NEO1: variants seen among roughly 807,000 people sequenced by gnomAD.
NEO1 encodes the protein neogenin.
In NEO1, 63 loss-of-function variants were observed where a neutral mutation model predicts 159.7. The ratio of observed to expected loss-of-function variants is 0.39; its 90% confidence interval spans 0.32 to 0.49. NEO1 has a LOEUF of 0.49. Among genes scored for constraint, NEO1 ranks in the 20% least tolerant of loss-of-function variants. NEO1 has a pLI of 0.85. For missense variants in NEO1, 1,615 were observed against 1,831.0 expected (o/e 0.88, Z 2.15); for synonymous variants, 633 against 662.0 (o/e 0.96, Z 0.67).
At chr15:73,179,456 G>T (rs748225857) in intron 7 of NEO1, among the ~76,000 whole-genome samples, 6 of 152,162 alleles carry the variant, frequency 3.9e-5, no homozygotes, top group Admixed American at 3.9e-4. Context: ...TTACAGAGAG[G>T]TATCTCACTG....
intron 5 of NEO1, among the ~76,000 whole-genome samples, chr15:73,168,134 A>G (rs1315642917): frequency 6.6e-6 from 1 of 152,112 alleles, no homozygotes; most frequent in African/African-American, 2.4e-5. Flanking sequence ...AAGGGCTAGA[A>G]ACAGGAAAGA....
intron 22 of NEO1, among the ~76,000 whole-genome samples, chr15:73,281,561 A>AT (rs898734328): frequency 7.3e-5 from 11 of 151,680 alleles, no homozygotes; most frequent in Non-Finnish European, 1.3e-4. Context: ...AAGCCAAGAG[A>AT]TTTTTTTTTA....
At chr15:73,241,609 C>T (rs1198970088) in intron 8 of NEO1, among the ~76,000 whole-genome samples, 4 of 152,208 alleles carry the variant, frequency 2.6e-5, no homozygotes, top group African/African-American at 9.6e-5. Flanking sequence ...CATCTCCTAA[C>T]TTCCAGCCCA....
At chr15:73,273,772 A>T (rs2151050260) in intron 19 of NEO1, 39 bp from the exon 20 acceptor site, 1 of 1,523,962 alleles carries the variant, frequency 6.6e-7, no homozygotes, top group East Asian at 2.3e-5. Context: ...AAGGAAAAGC[A>T]GGAGTGAGAT....
intron 7 of NEO1, chr15:73,221,803 A>G: frequency 6.5e-6 from 1 of 154,844 alleles, no homozygotes; most frequent in Non-Finnish European, 1.4e-5. Flanking sequence ...TTCAGGTGGG[A>G]GTGACCCAAT....
rs530512206 is a variant in NEO1, at chr15:73,194,148, T to C, written c.1291+15721T>C. On this transcript the variant is annotated intron_variant, in intron 7 of 28. Coordinates refer to ENST00000261908, the MANE Select transcript of NEO1 (RefSeq NM_002499.4). ...AGCAGTTTTCAGTTATGTAGCACTT[T>C]AAGAGGATTAATTTATTAGAGATGT... Among the ~76,000 whole-genome samples the C allele has an allele frequency of 7.6e-4, 115 of 152,264 alleles. 1 individual carries two copies. The highest frequency in any genetic ancestry group is 2.7e-3 in the African/African-American group (111 of 41,562).
intron 1 of NEO1, among the ~76,000 whole-genome samples, chr15:73,072,981 G>A (rs544228012): frequency 2.6e-4 from 40 of 152,282 alleles, no homozygotes; most frequent in South Asian, 1.0e-3. Context: ...AAAGAACTAA[G>A]TTTGGGGGAC....
rs754900769 is a variant in NEO1 at position 73,244,492 on chromosome 15, C to T, written c.1600C>T (p.Pro534Ser). 1.9e-6 allele frequency: 3 copies of T among 1,613,368 alleles called. No homozygotes were observed. The highest frequency in any genetic ancestry group is 1.1e-5 in the South Asian group (1 of 91,000). Residue 534 changes from proline to serine, a missense_variant, in exon 9 of 29, where the codon CCT becomes TCT. Pro to Ser is a moderately conservative substitution (Grantham distance 74, BLOSUM62 -1). This residue lies in a region of NEO1 where 1,018 missense variants were observed against 1,115.4 expected (regional missense o/e 0.91). Coordinates refer to ENST00000261908, the MANE Select transcript of NEO1 (RefSeq NM_002499.4). ...AGCTCCACTGCGAGTAGAAACACAA[C>T]CTGAGGGTAAGTCTTCCACCTGTCT... is the stretch of plus-strand genomic sequence containing the variant. ...SSAPLRVETQ[P>S]EVQLPGPAPN...
intron 8 of NEO1, among the ~76,000 whole-genome samples, chr15:73,243,968 A>G (rs1347599542): frequency 7.2e-5 from 11 of 152,310 alleles, no homozygotes; most frequent in Middle Eastern, 3.4e-3. Flanking sequence ...AAATATCATT[A>G]GGTCATACCA....
At position 73,277,590 on chromosome 15, in the gene NEO1, T is replaced by C. The variant is rs1235864914; in HGVS notation, c.3194-541T>C. ...ACTGAGAACCTGATTTGAACTTCCA[T>C]TTACCTTCCTGCTCCTGCTTAGCTT... On this transcript the variant is annotated intron_variant, in intron 21 of 28. Coordinates refer to ENST00000261908, the MANE Select transcript of NEO1 (RefSeq NM_002499.4). 2.0e-5 allele frequency among the ~76,000 whole-genome samples: 3 copies of C among 152,170 alleles called. No homozygotes were observed. In the South Asian group the frequency reaches 6.2e-4, roughly 32 times the overall value.
intron 21 of NEO1, among the ~76,000 whole-genome samples, chr15:73,276,882 C>T (rs1033060785): frequency 6.6e-6 from 1 of 152,172 alleles, no homozygotes; most frequent in African/African-American, 2.4e-5. Flanking sequence ...GCTTCATGCT[C>T]TCTGCCTCTT....
intron 11 of NEO1, 28 bp from the exon 12 acceptor site, chr15:73,253,372 A>ATT (rs770952101): frequency 5.8e-6 from 8 of 1,386,882 alleles, no homozygotes; most frequent in Non-Finnish European, 6.0e-6. Context: ...TTAAAAAAAA[A>ATT]ATTTTTTTTT....
At chr15:73,171,644 ATTATT>A (rs1481116016) in intron 5 of NEO1, among the ~76,000 whole-genome samples, 3 of 147,930 alleles carry the variant, frequency 2.0e-5, no homozygotes, top group African/African-American at 7.4e-5. Flanking sequence ...TATTATTATT[ATTATT>A]ATTATTACTT....
At chr15:73,095,617 T>C (rs1443164629) in intron 1 of NEO1, among the ~76,000 whole-genome samples, 1 of 152,174 alleles carries the variant, frequency 6.6e-6, no homozygotes, top group Non-Finnish European at 1.5e-5. Context: ...TTGAAAAGTT[T>C]TCAAGATGAT....
At chr15:73,171,637 T>TATTATG (rs1315624454) in intron 5 of NEO1, among the ~76,000 whole-genome samples, 2 of 147,400 alleles carry the variant, frequency 1.4e-5, no homozygotes, top group Non-Finnish European at 3.0e-5. Context: ...TTATTATTAT[T>TATTATG]ATTATTATTA....
In NEO1 at chr15:73,166,145, A is replaced by G. The variant is rs186916124; in HGVS notation, c.1016-10258A>G. Among the ~76,000 whole-genome samples the G allele has an allele frequency of 2.1e-3, 321 of 152,252 alleles. 1 individual carries two copies. Among genetic ancestry groups the G allele is most frequent in the African/African-American group, 7.4e-3 (306 of 41,546 alleles). On this transcript the variant is annotated intron_variant, in intron 5 of 28. Transcript: ENST00000261908. ...CCGGTTTCTTCCTTTCTCCTCTCTCAGTACTGTGATACCACCCCCATACCT... is the reference window on the plus strand; with the variant it reads ...CCGGTTTCTTCCTTTCTCCTCTCTCGGTACTGTGATACCACCCCCATACCT...
chr15:73,066,342 T>TA (rs1168977332), intron 1 of NEO1, among the ~76,000 whole-genome samples: 4,643 of 145,626 alleles, frequency 0.032, 162 homozygotes, highest in African/African-American at 0.08. Flanking sequence ...TTTTTTTTTT[T>TA]AAATAGTTTG....
At position 73,052,559 on chromosome 15, in the gene NEO1, A is replaced by T; in HGVS notation, c.-117A>T. 1.9e-6 allele frequency: 1 copy of T among 515,836 alleles called. No homozygotes were observed. The highest frequency in any genetic ancestry group is 2.7e-6 in the Non-Finnish European group (1 of 366,792). The allele number at this position is 515,836 out of a possible 1,614,324, so 32.0% of individuals were successfully genotyped here. On this transcript the variant is annotated 5_prime_UTR_variant, in exon 1 of 29. Coordinates refer to ENST00000261908, the MANE Select transcript of NEO1 (RefSeq NM_002499.4). ...GGGCCGGGCCGGGCTGGGCTGGAGC[A>T]GCGGCGGCCGCGGGAGCCGAGCTTG...
In NEO1 at chr15:73,295,147, A is replaced by T. The variant is rs2660820; in HGVS notation, c.3901+1599A>T. On this transcript the variant is annotated intron_variant, in intron 26 of 28. Transcript: ENST00000261908. ...TTAAATATATATATATATATATGTA[A>T]AAATTTGGCCTTTCTACTATCTCCC... Among the ~76,000 whole-genome samples the T allele has an allele frequency of 2.7e-3, 272 of 100,030 alleles. 6 individuals carry two copies. Among genetic ancestry groups the T allele is most frequent in the African/African-American group, 5.9e-3 (198 of 33,384 alleles). 65.6% of individuals were successfully genotyped at this position (100,030 alleles called of 152,430 possible).
Sources: gnomAD v4.1 joint callset for allele counts (sites outside exome capture counted in the v4.1 genomes callset) on GRCh38, gnomAD v4.1.1 for gene constraint, gnomAD v4.1.1 regional missense constraint, MANE v1.5 for transcripts, NCBI Gene and HGNC (gene_info 2026-07-23, HGNC 2026-07-21) for gene names.